Variants in GNPTAB observed in about 807,000 individuals in gnomAD.
GNPTAB encodes the protein N-acetylglucosamine-1-phosphate transferase subunits alpha and beta, also known as N-acetylglucosamine-1-phosphotransferase subunits alpha/beta.
A neutral mutation model predicts 136.6 loss-of-function variants in GNPTAB; 92 were observed. The observed-to-expected ratio is 0.67, with a 90% CI of 0.57 to 0.80. GNPTAB has a LOEUF of 0.80. GNPTAB is among the 30% of genes least tolerant of loss of function. The probability of loss-of-function intolerance (pLI) is 0.00; values close to 1 mark genes in which losing one functional copy is unlikely to be tolerated. For synonymous variants in GNPTAB, 512 were observed against 535.1 expected, an observed-to-expected ratio of 0.96 and a Z score of 0.60; for missense variants, 1,343 against 1,501.8, an observed-to-expected ratio of 0.89 and a Z score of 1.75.
rs181519134 is a variant in GNPTAB at position 101,755,745 on chromosome 12, A to C, written c.3434+1467T>G. On this transcript the variant is annotated intron_variant, in intron 18 of 20. Transcript: ENST00000299314. ...AATAAGCCTTCGTCGAAATAAAACA[A>C]AACAACATAAACAAGGGTTAATGAT... Among the ~76,000 whole-genome samples the C allele has an allele frequency of 2.9e-3, 435 of 152,334 alleles. 2 individuals are homozygous for C. Among genetic ancestry groups the C allele is most frequent in the Admixed American group, 4.4e-3 (67 of 15,302 alleles).
At chr12:101,828,700 C>CA (rs915738256) in intron 1 of GNPTAB, among the ~76,000 whole-genome samples, 11 of 145,802 alleles carry the variant, frequency 7.5e-5, no homozygotes, top group Non-Finnish European at 1.5e-4. Context: ...AAAAAACAAA[C>CA]AAAAAAAAAA....
rs200507731 is a variant in GNPTAB, at chr12:101,798,149, G to A, written c.118-1387C>T. On this transcript the variant is annotated intron_variant, in intron 1 of 20. Coordinates refer to ENST00000299314, the MANE Select transcript of GNPTAB (RefSeq NM_024312.5). ...AGGCCCCCACATTGTCAAACTCAAC[G>A]GCATTTTCCTCATCTCTTACTCAAG... Among the ~76,000 whole-genome samples the A allele has an allele frequency of 1.4e-4, 22 of 152,194 alleles. 1 individual carries two copies. The East Asian group carries it at 2.7e-3, about 19-fold the overall frequency.
At chr12:101,789,361 C>A (rs2137149186) in intron 3 of GNPTAB, among the ~76,000 whole-genome samples, 1 of 152,258 alleles carries the variant, frequency 6.6e-6, no homozygotes. Context: ...TGGATGACTG[C>A]CAAGATCTCG....
At chr12:101,753,192 G>A (rs1952845689) in intron 19 of GNPTAB, among the ~76,000 whole-genome samples, 180 bp downstream of exon 19, 1 of 151,778 alleles carries the variant, frequency 6.6e-6, no homozygotes, top group South Asian at 2.1e-4. Context: ...GGCGGAGGTT[G>A]CAGTGAGCTG....
intron 1 of GNPTAB, among the ~76,000 whole-genome samples, chr12:101,808,980 T>C (rs1314501808): frequency 6.6e-6 from 1 of 152,154 alleles, no homozygotes; most frequent in Non-Finnish European, 1.5e-5. Context: ...TGGGAGACAC[T>C]GTTAAAAGAA....
At position 101,755,814 on chromosome 12, in the gene GNPTAB, TGTG is replaced by T. The variant is rs1196714872; in HGVS notation, c.3434+1395_3434+1397del. Among the ~76,000 whole-genome samples the T allele has an allele frequency of 2.0e-5, 3 of 152,194 alleles. No homozygotes were observed. In the East Asian group the frequency reaches 5.8e-4, roughly 29 times the overall value. On this transcript the variant is annotated intron_variant, in intron 18 of 20. Coordinates refer to ENST00000299314, the MANE Select transcript of GNPTAB (RefSeq NM_024312.5). ...CAAGAGGCAGCTGGGCCTGGCAAAC[TGTG>T]GAAAAAGCCTGGCTTGCCATGTGTC...
At chr12:101,822,162 C>T (rs1870834673) in intron 1 of GNPTAB, among the ~76,000 whole-genome samples, 2 of 152,150 alleles carry the variant, frequency 1.3e-5, no homozygotes, top group Non-Finnish European at 2.9e-5. Flanking sequence ...GCCTGTAATC[C>T]CAGCACTTTG....
chr12:101,791,304 T>TC (rs1179322062), intron 2 of GNPTAB, among the ~76,000 whole-genome samples: 1 of 152,154 alleles, frequency 6.6e-6, no homozygotes, highest in Non-Finnish European at 1.5e-5. Context: ...TGCATGCCAC[T>TC]TTGACTTATG....
chr12:101,757,438 T>C, intron 17 of GNPTAB, 128 bp from the exon 18 acceptor site: 3 of 756,436 alleles, frequency 4.0e-6, no homozygotes, highest in Non-Finnish European at 4.6e-6. Flanking sequence ...AAACTTTTAA[T>C]ACTACTACAG....
chr12:101,824,433 T>TATATA (rs1423746036), intron 1 of GNPTAB, among the ~76,000 whole-genome samples: 72 of 90,612 alleles, frequency 7.9e-4, no homozygotes, highest in East Asian at 1.7e-3. Context: ...TATATATATA[T>TATATA]TTTCTTTTTT....
At chr12:101,772,213 G>C (rs962471540) in intron 7 of GNPTAB, among the ~76,000 whole-genome samples, 2 of 152,212 alleles carry the variant, frequency 1.3e-5, no homozygotes, top group African/African-American at 4.8e-5. Context: ...CTCAGGAAAA[G>C]GGGAGAGGCC....
intron 1 of GNPTAB, among the ~76,000 whole-genome samples, chr12:101,824,425 TATATATA>T (rs1566103042): frequency 1.1e-3 from 126 of 110,384 alleles, no homozygotes; most frequent in African/African-American, 3.2e-3. Flanking sequence ...TATATATATA[TATATATA>T]TTTTCTTTTT....
intron 13 of GNPTAB, among the ~76,000 whole-genome samples, chr12:101,762,935 C>T (rs1953023465): frequency 6.7e-6 from 1 of 149,370 alleles, no homozygotes; most frequent in Non-Finnish European, 1.5e-5. Context: ...GGAAAGAGGC[C>T]AGAGGCCAGG....
chr12:101,757,524 T>C (rs1952919869), intron 17 of GNPTAB, 48 bp downstream of exon 17: 2 of 968,328 alleles, frequency 2.1e-6, no homozygotes, highest in East Asian at 4.8e-5. Context: ...GCCAGACCTT[T>C]GTGATTACTC....
intron 7 of GNPTAB, chr12:101,778,823 T>C (rs1228645238): frequency 6.6e-6 from 1 of 152,098 alleles, no homozygotes; most frequent in Non-Finnish European, 1.5e-5. Flanking sequence ...GGAGAATCAT[T>C]TGAACCCGGG....
Position 101,761,584 on chromosome 12 carries a change from A to T in GNPTAB, c.2895T>A (p.Val965=). ...CTTACATATCTTGCAGTTCTTGCATAACAATCCGGTCAATCATGTGAGGCA... is the reference window on the plus strand; with the variant it reads ...CTTACATATCTTGCAGTTCTTGCATTACAATCCGGTCAATCATGTGAGGCA... ...AHMPHMIDRI[V]MQELQDMFPE... Residue 965 remains valine (V), a synonymous_variant, in exon 14 of 21, where the codon GTT becomes GTA. Transcript: ENST00000299314. 6.2e-7 allele frequency: 1 copy of T among 1,614,156 alleles called. No individual in the cohort carries two copies.
intron 7 of GNPTAB, among the ~76,000 whole-genome samples, chr12:101,772,007 C>T (rs1056328971): frequency 1.3e-5 from 2 of 152,358 alleles, no homozygotes; most frequent in Admixed American, 6.5e-5. Context: ...TTCGGCAGGA[C>T]TGCCTGAAGT....
chr12:101,800,624 A>G (rs1468176852), intron 1 of GNPTAB, among the ~76,000 whole-genome samples: 2 of 150,258 alleles, frequency 1.3e-5, no homozygotes, highest in African/African-American at 4.9e-5. Flanking sequence ...AAAAAAAAAA[A>G]AAAATCAGCC....
intron 1 of GNPTAB, among the ~76,000 whole-genome samples, chr12:101,806,623 C>T (rs1477705189): frequency 6.6e-6 from 1 of 152,032 alleles, no homozygotes; most frequent in Non-Finnish European, 1.5e-5. Flanking sequence ...ATACCTTCCC[C>T]CCTAAAAAAT....
Sources: allele counts gnomAD v4.1 joint callset (sites outside exome capture counted in the v4.1 genomes callset), GRCh38; gene constraint gnomAD v4.1.1; transcripts MANE v1.5; gene names NCBI Gene and HGNC (gene_info 2026-07-23, HGNC 2026-07-21).